Variants in BLTP3B observed in about 807,000 individuals in gnomAD.
BLTP3B encodes the protein UHRF1 (ICBP90) binding protein 1-like.
the BLTP3B span, among the ~76,000 whole-genome samples, chr12:100,104,204 CTTTTTTT>C: frequency 2.3e-5 from 3 of 131,656 alleles, no homozygotes; most frequent in Admixed American, 1.5e-4. Context: ...TTCTTTTTTT[CTTTTTTT>C]TTTTTTTTTT....
At chr12:100,113,804 AAG>A in the BLTP3B span, among the ~76,000 whole-genome samples, 1 of 152,256 alleles carries the variant, frequency 6.6e-6, no homozygotes, top group East Asian at 1.9e-4. Flanking sequence ...AAAAAAAAAA[AAG>A]AGAAAAACAA....
the BLTP3B span, among the ~76,000 whole-genome samples, chr12:100,116,252 G>A: frequency 4.0e-5 from 6 of 151,646 alleles, no homozygotes; most frequent in Non-Finnish European, 7.4e-5. Flanking sequence ...TGACGTGGGA[G>A]GATGGCTTGA....
the BLTP3B span, among the ~76,000 whole-genome samples, chr12:100,056,833 A>G: frequency 6.6e-5 from 10 of 151,956 alleles, no homozygotes; most frequent in African/African-American, 9.7e-5. Context: ...TGAAAAAAAA[A>G]AAAGAAAGAA....
the BLTP3B span, chr12:100,098,670 G>A: frequency 3.0e-4 from 280 of 937,632 alleles, 2 homozygotes; most frequent in Non-Finnish European, 3.5e-5. Context: ...GGGAGGCTGA[G>A]GCAGGCAGAT....
the BLTP3B span, among the ~76,000 whole-genome samples, chr12:100,098,752 AC>A: frequency 6.6e-6 from 1 of 150,564 alleles, no homozygotes; most frequent in Non-Finnish European, 1.5e-5. Flanking sequence ...AAAAAAAAAC[AC>A]AAAAAATTAG....
chr12:100,039,227 G>A, the BLTP3B span, among the ~76,000 whole-genome samples: 78 of 149,142 alleles, frequency 5.2e-4, 1 homozygote, highest in African/African-American at 1.7e-3. Flanking sequence ...AGAAATGATA[G>A]CATACCCAAA....
At chr12:100,098,955 T>C in the BLTP3B span, among the ~76,000 whole-genome samples, 5 of 139,242 alleles carry the variant, frequency 3.6e-5, no homozygotes, top group Non-Finnish European at 4.7e-5. Context: ...CATAGATACA[T>C]AGATACATAG....
the BLTP3B span, among the ~76,000 whole-genome samples, chr12:100,048,735 G>GGAGA: frequency 6.9e-3 from 824 of 119,476 alleles, 13 homozygotes; most frequent in East Asian, 0.014. Flanking sequence ...GTAAGGGGGG[G>GGAGA]GAGAGAGAGA....
At chr12:100,126,462 AAAAG>A in the BLTP3B span, among the ~76,000 whole-genome samples, 14 of 152,138 alleles carry the variant, frequency 9.2e-5, no homozygotes, top group African/African-American at 3.4e-4. Flanking sequence ...GAGAAAAAAA[AAAAG>A]AAAGAATATG....
the BLTP3B span, among the ~76,000 whole-genome samples, chr12:100,111,709 G>A: frequency 2.1e-4 from 32 of 152,136 alleles, no homozygotes; most frequent in African/African-American, 7.5e-4. Context: ...GGGTTCAAGC[G>A]ATTCTCCTGC....
chr12:100,082,767 G>A, the BLTP3B span, among the ~76,000 whole-genome samples: 1 of 152,064 alleles, frequency 6.6e-6, no homozygotes, highest in South Asian at 2.1e-4. Context: ...TTTTTGTAAT[G>A]AGAACATGCT....
chr12:100,061,396 G>A, the BLTP3B span, among the ~76,000 whole-genome samples: 30 of 152,228 alleles, frequency 2.0e-4, no homozygotes, highest in East Asian at 3.3e-3. Flanking sequence ...GGTGGCTCAC[G>A]CCTGTAATCC....
At chr12:100,042,286 T>C in the BLTP3B span, among the ~76,000 whole-genome samples, 13 of 152,222 alleles carry the variant, frequency 8.5e-5, no homozygotes, top group African/African-American at 3.1e-4. Flanking sequence ...GATTTTAAAA[T>C]TCATATGGAA....
chr12:100,062,178 T>C, the BLTP3B span, among the ~76,000 whole-genome samples: 1 of 152,190 alleles, frequency 6.6e-6, no homozygotes, highest in East Asian at 1.9e-4. Flanking sequence ...TGTGAGACAA[T>C]AAATTTCTGT....
At chr12:100,075,758 A>G in the BLTP3B span, among the ~76,000 whole-genome samples, 1 of 152,232 alleles carries the variant, frequency 6.6e-6, no homozygotes, top group African/African-American at 2.4e-5. Flanking sequence ...ATCATCATTA[A>G]TCATCAGAGA....
the BLTP3B span, among the ~76,000 whole-genome samples, chr12:100,080,489 T>C: frequency 6.6e-6 from 1 of 152,056 alleles, no homozygotes; most frequent in South Asian, 2.1e-4. Flanking sequence ...ATGTGAAACA[T>C]GGAGTCAAAG....
chr12:100,135,416 G>A, the BLTP3B span, among the ~76,000 whole-genome samples: 10,267 of 151,686 alleles, frequency 0.068, 376 homozygotes, highest in South Asian at 0.088. Flanking sequence ...CTACAGGTGC[G>A]CACCACCACG....
At chr12:100,124,960 A>ATT in the BLTP3B span, among the ~76,000 whole-genome samples, 3 of 111,610 alleles carry the variant, frequency 2.7e-5, no homozygotes, top group African/African-American at 6.8e-5. Flanking sequence ...ATATATATAT[A>ATT]TATATATATA....
At chr12:100,102,905 A>G in the BLTP3B span, 2 of 1,108,016 alleles carry the variant, frequency 1.8e-6, no homozygotes, top group Non-Finnish European at 1.3e-6. Flanking sequence ...TATTCTACGT[A>G]TATTATTAAA....
Sources: gnomAD v4.1 joint callset for allele counts (sites outside exome capture counted in the v4.1 genomes callset) on GRCh38, gnomAD v4.1.1 for gene constraint, MANE v1.5 for transcripts, NCBI Gene and HGNC (gene_info 2026-07-23, HGNC 2026-07-21) for gene names.